Variants in FKBP9 observed in about 807,000 individuals in gnomAD.
FKBP9 encodes FKBP prolyl isomerase 9, also known as peptidyl-prolyl cis-trans isomerase FKBP9.
Under a neutral mutation model 55.6 loss-of-function variants are expected in FKBP9, and 27 were observed. That is an observed-to-expected ratio of 0.49 (90% CI 0.36 to 0.67). The LOEUF (loss-of-function observed/expected upper bound fraction) is 0.67, where lower values mean the gene tolerates loss of function less well. FKBP9 is among the 30% of genes least tolerant of loss of function. The pLI is 0.00. For synonymous variants in FKBP9, 267 were observed against 296.5 expected, an observed-to-expected ratio of 0.90 and a Z score of 1.02; for missense variants, 539 against 742.8, an observed-to-expected ratio of 0.73 and a Z score of 3.19.
intron 6 of FKBP9, among the ~76,000 whole-genome samples, chr7:32,993,351 C>T (rs1467310074): frequency 6.6e-6 from 1 of 152,168 alleles, no homozygotes; most frequent in Non-Finnish European, 1.5e-5. Context: ...AAACCCATTA[C>T]ACAATAACTC....
chr7:32,970,780 TA>T, intron 1 of FKBP9, among the ~76,000 whole-genome samples: 1 of 152,218 alleles, frequency 6.6e-6, no homozygotes, highest in East Asian at 1.9e-4. Context: ...CAGCTTTTTT[TA>T]TGGACTCTTA....
intron 7 of FKBP9, among the ~76,000 whole-genome samples, chr7:32,999,066 C>T (rs903450390): frequency 1.1e-4 from 16 of 152,170 alleles, no homozygotes; most frequent in African/African-American, 3.6e-4. Context: ...GAAAGGCAGG[C>T]AGTGAGAGTT....
At chr7:33,001,732 G>A (rs1370485098) in intron 8 of FKBP9, among the ~76,000 whole-genome samples, 1 of 151,972 alleles carries the variant, frequency 6.6e-6, no homozygotes, top group African/African-American at 2.4e-5. Context: ...TTGAATTTGT[G>A]CTTACAGTCA....
intron 1 of FKBP9, among the ~76,000 whole-genome samples, chr7:32,959,377 C>A (rs1783973353): frequency 1.3e-5 from 2 of 152,228 alleles, no homozygotes; most frequent in African/African-American, 4.8e-5. Flanking sequence ...GCACTCCAAC[C>A]TGGGTGACAG....
At chr7:32,990,125 C>A (rs988054184) in intron 6 of FKBP9, among the ~76,000 whole-genome samples, 4 of 152,140 alleles carry the variant, frequency 2.6e-5, no homozygotes, top group Non-Finnish European at 5.9e-5. Flanking sequence ...AGCCACCATG[C>A]CTAGCCTCCT....
At chr7:33,003,072 C>T in intron 9 of FKBP9, 1 of 497,622 alleles carries the variant, frequency 2.0e-6, no homozygotes, top group Non-Finnish European at 3.6e-6. Flanking sequence ...GGCATGATTC[C>T]AGGGCATACA....
chr7:32,971,638 G>A (rs1411371255), intron 1 of FKBP9, among the ~76,000 whole-genome samples: 2 of 152,122 alleles, frequency 1.3e-5, no homozygotes, highest in Non-Finnish European at 2.9e-5. Context: ...ATACCGCCAT[G>A]CTCAGCTAAT....
intron 1 of FKBP9, among the ~76,000 whole-genome samples, chr7:32,969,762 G>A (rs1484740234): frequency 6.6e-6 from 1 of 152,150 alleles, no homozygotes; most frequent in Non-Finnish European, 1.5e-5. Context: ...CAGCACTTTG[G>A]GAGGCCGAGG....
intron 1 of FKBP9, among the ~76,000 whole-genome samples, chr7:32,961,240 T>C (rs1379207740): frequency 2.0e-5 from 3 of 152,214 alleles, no homozygotes; most frequent in Non-Finnish European, 4.4e-5. Context: ...CAGGGGTGTG[T>C]CTGCAGACCC....
chr7:32,982,325 G>C (rs541138856), intron 5 of FKBP9, among the ~76,000 whole-genome samples: 1 of 152,244 alleles, frequency 6.6e-6, no homozygotes, highest in South Asian at 2.1e-4. Context: ...CCAGCCTAAT[G>C]TGTGGATTTT....
In FKBP9 at chr7:32,965,797, C is replaced by CAAAAAAA. The variant is rs760247071; in HGVS notation, c.221+8013_221+8019dup. 1.6e-3 allele frequency among the ~76,000 whole-genome samples: 62 copies of CAAAAAAA among 38,548 alleles called. 4 individuals carry two copies. The highest frequency in any genetic ancestry group is 7.3e-3 in the African/African-American group (53 of 7,218). 25.3% of individuals were successfully genotyped at this position (38,548 alleles called of 152,430 possible). A position where few individuals can be genotyped will look rare whatever the true frequency, so the allele number is the denominator to read the frequency against. On this transcript the variant is annotated intron_variant, in intron 1 of 9. Coordinates refer to ENST00000242209, the MANE Select transcript of FKBP9 (RefSeq NM_007270.5). ...TGGGCAACAGAGCGAGACTCCATGT[C>CAAAAAAA]AAAAAAAAAAAAAAAATATATATAT... is the stretch of plus-strand genomic sequence containing the variant.
At position 33,001,562 on chromosome 7, in the gene FKBP9, T is replaced by G. The variant is rs202145552; in HGVS notation, c.1373-1114T>G. ...AAAAAAAAAATTGTTGTATATTCTT[T>G]AAGACTTTTTCTGTGATATATTATT... On this transcript the variant is annotated intron_variant, in intron 8 of 9. Transcript: ENST00000242209. Among the ~76,000 whole-genome samples, 23 of 152,090 alleles carry G rather than the reference T, an allele frequency of 1.5e-4. No individual in the cohort carries two copies. The East Asian group carries it at 4.4e-3, about 29-fold the overall frequency.
At chr7:32,986,279 C>T (rs544531210) in intron 5 of FKBP9, among the ~76,000 whole-genome samples, 1 of 152,306 alleles carries the variant, frequency 6.6e-6, no homozygotes, top group Non-Finnish European at 1.5e-5. Context: ...TGCAACTATT[C>T]CAGTGGGCAG....
chr7:32,963,682 G>C, intron 1 of FKBP9: 2 of 1,422,998 alleles, frequency 1.4e-6, no homozygotes, highest in Non-Finnish European at 1.8e-6. Context: ...TCCTTGTGAG[G>C]GTCCAGAATC....
chr7:32,979,417 T>C, intron 4 of FKBP9: 2 of 976,386 alleles, frequency 2.0e-6, no homozygotes, highest in Non-Finnish European at 3.2e-6. Context: ...ACACCTTGCA[T>C]TCCAGGGGCT....
At chr7:32,965,604 C>G (rs2127976841) in intron 1 of FKBP9, among the ~76,000 whole-genome samples, 1 of 149,266 alleles carries the variant, frequency 6.7e-6, no homozygotes, top group South Asian at 2.2e-4. Context: ...TTCAAGTCAG[C>G]CTGACCAACA....
rs142740978 is a variant in FKBP9 at position 32,989,232 on chromosome 7, A to G, written c.1039+580A>G. Among the ~76,000 whole-genome samples, 1,013 of 152,148 alleles carry G rather than the reference A, an allele frequency of 6.7e-3. 15 individuals are homozygous for G. Among genetic ancestry groups the G allele is most frequent in the African/African-American group, 0.024 (977 of 41,518 alleles). On this transcript the variant is annotated intron_variant, in intron 6 of 9. Coordinates refer to ENST00000242209, the MANE Select transcript of FKBP9 (RefSeq NM_007270.5). ...ACCCATTTAAGTATACAATTTAGTG[A>G]CTTTTAGAACATTTAGTGGGTTATG...
At chr7:32,973,679 G>GTTT (rs1562565476) in intron 1 of FKBP9, among the ~76,000 whole-genome samples, 8 of 63,964 alleles carry the variant, frequency 1.3e-4, no homozygotes, top group East Asian at 7.0e-4. Flanking sequence ...GAAGTTTTTT[G>GTTT]TTGTTTTTTT....
At chr7:32,973,681 T>TG (rs1784295780) in intron 1 of FKBP9, among the ~76,000 whole-genome samples, 3 of 106,132 alleles carry the variant, frequency 2.8e-5, no homozygotes, top group Non-Finnish European at 5.3e-5. Flanking sequence ...AGTTTTTTGT[T>TG]GTTTTTTTTT....
Sources: gnomAD v4.1 joint callset for allele counts (sites outside exome capture counted in the v4.1 genomes callset) on GRCh38, gnomAD v4.1.1 for gene constraint, MANE v1.5 for transcripts, NCBI Gene and HGNC (gene_info 2026-07-23, HGNC 2026-07-21) for gene names.